The following KLHL21 variants were observed in gnomAD, a reference collection of about 807,000 sequenced individuals.
The protein encoded by KLHL21 is kelch-like protein 21.
Under a neutral mutation model 44.1 loss-of-function variants are expected in KLHL21, and 42 were observed. The observed-to-expected ratio is 0.95, with a 90% confidence interval of 0.74 to 1.23. KLHL21 has a LOEUF of 1.23. Ranked by LOEUF, KLHL21 falls within the 50% of genes most tolerant of loss-of-function variation. The pLI is 0.00. For synonymous variants in KLHL21, 524 were observed against 411.6 expected (o/e 1.27, Z -3.31); for missense variants, 918 against 889.1 (o/e 1.03, Z -0.41).
rs1640908452 is a variant in KLHL21 at position 6,595,273 on chromosome 1, A to C, written c.1500+212T>G. The C allele has an allele frequency of 4.6e-6, 3 of 649,028 alleles. No homozygotes were observed. In the Admixed American group the frequency reaches 7.1e-5, roughly 15 times the overall value. The allele number at this position is 649,028 out of a possible 1,614,324, so 40.2% of individuals were successfully genotyped here. A position where few individuals can be genotyped will look rare whatever the true frequency, so the allele number is the denominator to read the frequency against. On this transcript the variant is annotated intron_variant, in intron 3 of 3. Transcript: ENST00000377658. ...CAGATACTCAATAAACACTGCTCAA[A>C]TGTGTACTAAGCTGTGTAATCATAG...
In KLHL21 at chr1:6,593,953, T is replaced by G. The variant is rs927485374; in HGVS notation, c.1501-295A>C. 2.5e-6 allele frequency: 3 copies of G among 1,200,112 alleles called. No individual in the cohort carries two copies. The African/African-American group carries it at 4.6e-5, about 18-fold the overall frequency. 74.3% of individuals were successfully genotyped at this position (1,200,112 alleles called of 1,614,324 possible). ...TTCCTACGTTCTCTCTCAGAATCTC[T>G]GCAGTGGCCCTCTGGGCTGAGCAGT... On this transcript the variant is annotated intron_variant, in intron 3 of 3. Coordinates refer to ENST00000377658, the MANE Select transcript of KLHL21 (RefSeq NM_014851.4).
In KLHL21 at chr1:6,593,068, T is replaced by G. The variant is rs113764508; in HGVS notation, c.*297A>C. ...GCAGATGACAACGGCAGGAGGGGTGTGCGCCGCGTGGGTGAGCTGTGATCC... is the reference window on the plus strand; with the variant it reads ...GCAGATGACAACGGCAGGAGGGGTGGGCGCCGCGTGGGTGAGCTGTGATCC... On this transcript the variant is annotated 3_prime_UTR_variant, in exon 4 of 4. Coordinates refer to ENST00000377658, the MANE Select transcript of KLHL21 (RefSeq NM_014851.4). The G allele has an allele frequency of 1.1e-4, 45 of 408,174 alleles. No homozygotes were observed. Among genetic ancestry groups the G allele is most frequent in the African/African-American group, 7.3e-4 (37 of 50,892 alleles). The allele number at this position is 408,174 out of a possible 1,614,324, so 25.3% of individuals were successfully genotyped here. A position where few individuals can be genotyped will look rare whatever the true frequency, so the allele number is the denominator to read the frequency against.
At position 6,595,130 on chromosome 1, in the gene KLHL21, G is replaced by T. The variant is rs1570194160; in HGVS notation, c.1500+355C>A. On this transcript the variant is annotated intron_variant, in intron 3 of 3. Transcript: ENST00000377658. ...CCACATGGGCTGCTGGTGTATCTAAGAACACGCCAGGGTGCCCTGCTGCAG... is the reference window on the plus strand; with the variant it reads ...CCACATGGGCTGCTGGTGTATCTAATAACACGCCAGGGTGCCCTGCTGCAG... The T allele has an allele frequency of 1.5e-5, 8 of 532,822 alleles. No individual in the cohort carries two copies. In the East Asian group the frequency reaches 2.6e-4, roughly 17 times the overall value. 33.0% of individuals were successfully genotyped at this position (532,822 alleles called of 1,614,324 possible).
rs758538738 is a variant in KLHL21, at chr1:6,602,433, G to A, written c.385C>T (p.Leu129=). ...TTGGCCAGGTCGAGCTGCTGCTGCA[G>A]GAAGGCCCCGCACGCCTCCTTCACG... ...PAVKEACGAF[L]QQQLDLANCL... The change falls in exon 1 of 4, where the codon CTG becomes TTG. Residue 129 remains leucine (L), a synonymous_variant. Transcript: ENST00000377658. 6.3e-6 allele frequency: 10 copies of A among 1,593,132 alleles called. No homozygotes were observed. In the East Asian group the frequency reaches 1.8e-4, roughly 29 times the overall value.
chr1:6,593,096 G>A lies in KLHL21; in HGVS notation c.*269C>T, dbSNP rs1481148930. The stretch of plus-strand genomic sequence containing the variant: ...GCCGCGTGGGTGAGCTGTGATCCGC[G>A]GGGTGGGGGTGACCTCCAAGACCCA... On this transcript the variant is annotated 3_prime_UTR_variant, in exon 4 of 4. Coordinates refer to ENST00000377658, the MANE Select transcript of KLHL21 (RefSeq NM_014851.4). 3 of 475,854 alleles carry A rather than the reference G, an allele frequency of 6.3e-6. No homozygotes were observed. The highest frequency in any genetic ancestry group is 1.9e-5 in the African/African-American group (1 of 52,312). 29.5% of individuals were successfully genotyped at this position (475,854 alleles called of 1,614,324 possible).
At chr1:6,595,356 A>G in intron 3 of KLHL21, 129 bp downstream of exon 3, 1 of 815,262 alleles carries the variant, frequency 1.2e-6, no homozygotes, top group East Asian at 2.6e-5. Flanking sequence ...GGGTAAGAGC[A>G]GCCTTCTATT....
intron 1 of KLHL21, 142 bp from the exon 2 acceptor site, chr1:6,599,594 A>G (rs1313205138): frequency 8.1e-6 from 7 of 863,146 alleles, no homozygotes; most frequent in South Asian, 1.8e-5. Context: ...CCTCTCCCCA[A>G]AAGCCCAGGC....
Position 6,596,899 on chromosome 1 carries a change from A to G in KLHL21, c.1428-1342T>C, listed in dbSNP as rs767097689. Among the ~76,000 whole-genome samples the G allele has an allele frequency of 1.3e-4, 20 of 152,206 alleles. 1 individual carries two copies. Among genetic ancestry groups the G allele is most frequent in the Admixed American group, 9.8e-4 (15 of 15,288 alleles). On this transcript the variant is annotated intron_variant, in intron 2 of 3. Coordinates refer to ENST00000377658, the MANE Select transcript of KLHL21 (RefSeq NM_014851.4). Reference sequence around the variant, plus strand: ...CGGCTGAGGCTGTGGCCTCCCTGAGAATGGCACGTCCTAGGCACAAGCTGC... The same window carrying G: ...CGGCTGAGGCTGTGGCCTCCCTGAGGATGGCACGTCCTAGGCACAAGCTGC...
At chr1:6,601,760 AAC>A (rs1491239916) in intron 1 of KLHL21, 35 bp downstream of exon 1, 4 of 1,503,652 alleles carry the variant, frequency 2.7e-6, no homozygotes, top group Non-Finnish European at 3.6e-6. Context: ...GGCGAGGTTC[AAC>A]CCCAGAGAGC....
In KLHL21 at chr1:6,593,129, G is replaced by C; in HGVS notation, c.*236C>G. 1.9e-6 allele frequency: 1 copy of C among 527,192 alleles called. No homozygotes were observed. The highest frequency in any genetic ancestry group is 3.4e-6 in the Non-Finnish European group (1 of 295,844). 32.7% of individuals were successfully genotyped at this position (527,192 alleles called of 1,614,324 possible). On this transcript the variant is annotated 3_prime_UTR_variant, in exon 4 of 4. Transcript: ENST00000377658. Reference sequence around the variant, plus strand: ...GGTGACCTCCAAGACCCAGAAACATGTGCTGGCAGGAAAGTGGCTCTTCCT... The same window carrying C: ...GGTGACCTCCAAGACCCAGAAACATCTGCTGGCAGGAAAGTGGCTCTTCCT...
In KLHL21 at chr1:6,591,264, G is replaced by A. The variant is rs563988018; in HGVS notation, c.*2101C>T. 9.9e-5 allele frequency: 35 copies of A among 354,550 alleles called. No individual in the cohort carries two copies. In the South Asian group the frequency reaches 2.0e-3, roughly 20 times the overall value. The allele number at this position is 354,550 out of a possible 1,614,324, so 22.0% of individuals were successfully genotyped here. A position where few individuals can be genotyped will look rare whatever the true frequency, so the allele number is the denominator to read the frequency against. On this transcript the variant is annotated 3_prime_UTR_variant, in exon 4 of 4. Coordinates refer to ENST00000377658, the MANE Select transcript of KLHL21 (RefSeq NM_014851.4). ...TGATGGTGGAGACCTGGGTAGGTCC[G>A]GAGGACAGACACAGGAGAGGGCACA...
intron 1 of KLHL21, among the ~76,000 whole-genome samples, chr1:6,600,655 G>T (rs1641003349): frequency 6.6e-6 from 1 of 152,282 alleles, no homozygotes; most frequent in South Asian, 2.1e-4. Flanking sequence ...AAACCCAAGG[G>T]ATTAACTGCT....
intron 1 of KLHL21, among the ~76,000 whole-genome samples, chr1:6,600,487 G>A (rs1222768079): frequency 1.3e-5 from 2 of 152,224 alleles, no homozygotes; most frequent in Non-Finnish European, 2.9e-5. Flanking sequence ...CCAGGCTGGC[G>A]CCACAGGACA....
At chr1:6,595,928 C>G (rs992525503) in intron 2 of KLHL21, among the ~76,000 whole-genome samples, 3 of 152,210 alleles carry the variant, frequency 2.0e-5, no homozygotes, top group Admixed American at 6.5e-5. Flanking sequence ...CTCCACTGTG[C>G]ATCCCCACAG....
At position 6,602,093 on chromosome 1, in the gene KLHL21, G is replaced by C. The variant is rs1216727269; in HGVS notation, c.725C>G (p.Pro242Arg). The change falls in exon 1 of 4, where the codon CCG (proline) becomes CGG (arginine). Residue 242 changes from proline (P) to arginine (R), a missense_variant. Coordinates refer to ENST00000377658, the MANE Select transcript of KLHL21 (RefSeq NM_014851.4). ...GCAGGGTGGGCAGCGCGCCACCAGCGGCTCGGCCTCGACGTGCGCCAACAG... is the reference window on the plus strand; with the variant it reads ...GCAGGGTGGGCAGCGCGCCACCAGCCGCTCGGCCTCGACGTGCGCCAACAG... ...FYLLAHVEAE[P>R]LVARCPPCLR... The C allele has an allele frequency of 6.7e-7, 1 of 1,482,028 alleles. No homozygotes were observed. Among genetic ancestry groups the C allele is most frequent in the East Asian group, 2.7e-5 (1 of 36,836 alleles). The allele number at this position is 1,482,028 out of a possible 1,614,324, so 91.8% of individuals were successfully genotyped here.
intron 2 of KLHL21, 89 bp downstream of exon 2, chr1:6,598,958 G>C (rs891958177): frequency 2.0e-5 from 26 of 1,327,408 alleles, no homozygotes; most frequent in Admixed American, 2.8e-5. Context: ...CTCATCTGTG[G>C]AAAAGGGAGA....
At position 6,602,447 on chromosome 1, in the gene KLHL21, G is replaced by A. The variant is rs1256095261; in HGVS notation, c.371C>T (p.Ala124Val). 1.3e-6 allele frequency: 2 copies of A among 1,587,102 alleles called. No homozygotes were observed. Among genetic ancestry groups the A allele is most frequent in the Non-Finnish European group, 1.7e-6 (2 of 1,172,354 alleles). ...CTGCTGCTGCAGGAAGGCCCCGCAC[G>A]CCTCCTTCACGGCCGGGAACTGCAG... Reference protein sequence around the residue: ...DLLQFPAVKEACGAFLQQQLD... With the variant: ...DLLQFPAVKEVCGAFLQQQLD... Residue 124 changes from alanine (A) to valine (V), a missense_variant, in exon 1 of 4, where the codon GCG becomes GTG. By Grantham distance (64) the Ala-to-Val change is moderately conservative. Transcript: ENST00000377658.
rs1289362214 is a variant in KLHL21 at position 6,593,362 on chromosome 1, G to A, written c.*3C>T. 6.3e-6 allele frequency: 10 copies of A among 1,576,102 alleles called. No homozygotes were observed. Among genetic ancestry groups the A allele is most frequent in the Non-Finnish European group, 8.6e-6 (10 of 1,161,264 alleles). On this transcript the variant is annotated 3_prime_UTR_variant, in exon 4 of 4. Transcript: ENST00000377658. ...CCGAGGCCCGTGCCGGGCCAGACTG[G>A]GGCTAGTGCAGCTCATCGGGGTCCC...
intron 1 of KLHL21, 198 bp from the exon 2 acceptor site, chr1:6,599,650 G>A (rs988287092): frequency 1.6e-5 from 10 of 608,268 alleles, no homozygotes; most frequent in African/African-American, 5.6e-5. Context: ...ACTGTCCAGC[G>A]AGATGACTGC....
Sources: gnomAD v4.1 joint callset for allele counts (sites outside exome capture counted in the v4.1 genomes callset) on GRCh38, gnomAD v4.1.1 for gene constraint, MANE v1.5 for transcripts, NCBI Gene and HGNC (gene_info 2026-07-23, HGNC 2026-07-21) for gene names.